Variants in NECTIN2 observed in about 807,000 individuals in gnomAD.
NECTIN2 encodes the protein nectin cell adhesion molecule 2, also known as nectin-2.
NECTIN2 carries 23 observed loss-of-function variants against 56.9 expected under a neutral mutation model. The ratio of observed to expected loss-of-function variants is 0.40; its 90% CI spans 0.29 to 0.57. The LOEUF (loss-of-function observed/expected upper bound fraction) is 0.57. Ranked by LOEUF, NECTIN2 falls within the 20% of genes least tolerant of loss-of-function variation. NECTIN2 has a pLI of 0.38. For missense variants in NECTIN2, 587 were observed against 718.3 expected, an observed-to-expected ratio of 0.82 and a Z score of 2.09; for synonymous variants, 302 against 313.8, an observed-to-expected ratio of 0.96 and a Z score of 0.40.
At chr19:44,860,187 G>A (rs1969015718) in intron 1 of NECTIN2, among the ~76,000 whole-genome samples, 1 of 152,152 alleles carries the variant, frequency 6.6e-6, no homozygotes, top group South Asian at 2.1e-4. Flanking sequence ...CTGGGGGAAT[G>A]GGAAGTGACT....
chr19:44,846,536 C>T lies in NECTIN2; in HGVS notation c.11C>T (p.Ala4Val). ...CCTCCCGGGCCCTCCATGGCCCGGG[C>T]CGCTGCCCTCCTGCCGTCGAGATCG... MAR[A>V]AALLPSRSPP... Residue 4 changes from alanine (A) to valine (V), a missense_variant, in exon 1 of 9, where the codon GCC becomes GTC. Transcript: ENST00000252483. 6.6e-7 allele frequency: 1 copy of T among 1,520,078 alleles called. No homozygotes were observed. The highest frequency in any genetic ancestry group is 8.8e-7 in the Non-Finnish European group (1 of 1,140,628). The allele number at this position is 1,520,078 out of a possible 1,614,324, so 94.2% of individuals were successfully genotyped here.
At chr19:44,864,314 A>AG (rs1267221833) in intron 1 of NECTIN2, among the ~76,000 whole-genome samples, 2 of 111,814 alleles carry the variant, frequency 1.8e-5, no homozygotes, top group Non-Finnish European at 2.2e-5. Flanking sequence ...GCCCTGTCTG[A>AG]GAAAAAAAAT....
chr19:44,869,081 T>A (rs1424327534), intron 2 of NECTIN2, among the ~76,000 whole-genome samples: 1 of 151,972 alleles, frequency 6.6e-6, no homozygotes, highest in Admixed American at 6.6e-5. Flanking sequence ...CAGTAACACA[T>A]GAAACCACAG....
In NECTIN2 at chr19:44,846,580, T is replaced by TGGCCGCTGCTGC. The variant is rs1178286129; in HGVS notation, c.56_67dup (p.Leu22_Leu23insArgProLeuLeu). On this transcript the variant is annotated inframe_insertion, in exon 1 of 9. Coordinates refer to ENST00000252483, the MANE Select transcript of NECTIN2 (RefSeq NM_001042724.2). ...GAGATCGCCGCCGACGCCGCTGCTG[T>TGGCCGCTGCTGC]GGCCGCTGCTGCTGCTGCTGCTCCT... 6.6e-7 allele frequency: 1 copy of TGGCCGCTGCTGC among 1,525,184 alleles called. No homozygotes were observed. The highest frequency in any genetic ancestry group is 8.7e-7 in the Non-Finnish European group (1 of 1,142,864). 94.5% of individuals were successfully genotyped at this position (1,525,184 alleles called of 1,614,324 possible). A position where few individuals can be genotyped will look rare whatever the true frequency, so the allele number is the denominator to read the frequency against.
chr19:44,858,946 T>C (rs544164374), intron 1 of NECTIN2, among the ~76,000 whole-genome samples: 13 of 152,224 alleles, frequency 8.5e-5, no homozygotes, highest in African/African-American at 3.1e-4. Flanking sequence ...CCTGGCCTTA[T>C]TTTATTTTTA....
At chr19:44,876,634 T>A (rs1969241403) in intron 5 of NECTIN2, among the ~76,000 whole-genome samples, 1 of 152,004 alleles carries the variant, frequency 6.6e-6, no homozygotes, top group African/African-American at 2.4e-5. Flanking sequence ...CGAACCCACA[T>A]CCAGGCACAC....
In NECTIN2 at chr19:44,886,145, T is replaced by C; in HGVS notation, c.1273T>C (p.Phe425Leu). 1 of 1,613,010 alleles carries C rather than the reference T, an allele frequency of 6.2e-7. No individual in the cohort carries two copies. Among genetic ancestry groups the C allele is most frequent in the Non-Finnish European group, 8.5e-7 (1 of 1,179,292 alleles). ...LEAQEMPSQL[F>L]TLGASEHSPL... ...TCTCCCACTACAGCCCTCCCAGCTC[T>C]TCACTCTGGGGGCCTCGGAGCACAG... The change falls in exon 8 of 9, where the codon TTC (phenylalanine) becomes CTC (leucine). Residue 425 changes from phenylalanine (F) to leucine (L), a missense_variant. By Grantham distance (22) the Phe-to-Leu change is conservative (BLOSUM62 0). Coordinates refer to ENST00000252483, the MANE Select transcript of NECTIN2 (RefSeq NM_001042724.2).
chr19:44,852,295 A>G (rs2927469), intron 1 of NECTIN2, among the ~76,000 whole-genome samples: 137,437 of 152,028 alleles, frequency 0.9, 62,222 homozygotes, highest in African/African-American at 0.94. Flanking sequence ...GATTACAGGC[A>G]GGTGCCACCA....
intron 2 of NECTIN2, among the ~76,000 whole-genome samples, chr19:44,868,822 G>C (rs1393654764): frequency 6.6e-6 from 1 of 151,882 alleles, no homozygotes; most frequent in Non-Finnish European, 1.5e-5. Flanking sequence ...TGAGGCAGGA[G>C]AATGGCTTGA....
chr19:44,885,479 T>A (rs1033994141), intron 6 of NECTIN2, among the ~76,000 whole-genome samples: 5 of 151,502 alleles, frequency 3.3e-5, no homozygotes, highest in Non-Finnish European at 7.4e-5. Context: ...GCCCAGCTAA[T>A]TTTTGTATTT....
At chr19:44,884,774 T>C (rs1225540926) in intron 6 of NECTIN2, among the ~76,000 whole-genome samples, 1 of 152,174 alleles carries the variant, frequency 6.6e-6, no homozygotes, top group African/African-American at 2.4e-5. Context: ...AGAGGGGACA[T>C]CTGAGCTGAC....
Position 44,888,484 on chromosome 19 carries a change from C to A in NECTIN2, c.*105C>A. 1 of 1,230,828 alleles carries A rather than the reference C, an allele frequency of 8.1e-7. No homozygotes were observed. The highest frequency in any genetic ancestry group is 1.1e-6 in the Non-Finnish European group (1 of 884,182). 76.2% of individuals were successfully genotyped at this position (1,230,828 alleles called of 1,614,324 possible). On this transcript the variant is annotated 3_prime_UTR_variant, in exon 9 of 9. Transcript: ENST00000252483. Reference sequence around the variant, plus strand: ...CTGGCCAGGCCACTGTCAGTTAACACATATGCATTCCATTTGTGATGTCTA... The same window carrying A: ...CTGGCCAGGCCACTGTCAGTTAACAAATATGCATTCCATTTGTGATGTCTA...
chr19:44,876,704 C>T (rs1450582118), intron 5 of NECTIN2, among the ~76,000 whole-genome samples: 7 of 152,222 alleles, frequency 4.6e-5, no homozygotes, highest in South Asian at 2.1e-4. Flanking sequence ...AGGATACGAA[C>T]GCCGCACCAC....
In NECTIN2 at chr19:44,866,043, G is replaced by A. The variant is rs906100847; in HGVS notation, c.478+383G>A. ...AAAAATTAGCTGGGTGTGGTGGCCC[G>A]TGCCTATAATCCCAGATACTCAGGA... On this transcript the variant is annotated intron_variant, in intron 2 of 8. Coordinates refer to ENST00000252483, the MANE Select transcript of NECTIN2 (RefSeq NM_001042724.2). Among the ~76,000 whole-genome samples the A allele has an allele frequency of 6.6e-5, 10 of 152,058 alleles. No homozygotes were observed. The East Asian group carries it at 1.5e-3, about 24-fold the overall frequency.
rs368430738 is a variant in NECTIN2 at position 44,875,905 on chromosome 19, C to T, written c.1042+1427C>T. Among the ~76,000 whole-genome samples the T allele has an allele frequency of 3.3e-5, 5 of 152,162 alleles. No homozygotes were observed. The East Asian group carries it at 7.7e-4, about 23-fold the overall frequency. On this transcript the variant is annotated intron_variant, in intron 5 of 8. Transcript: ENST00000252483. This position sits in a 1 kb window ranked among gnomAD's most constrained non-coding sequence, Gnocchi z 4.2. ...AGAGACAGCTGTCCCGCTCTGGGCT[C>T]GCCTGGCGCGTGAGGATGCACATAA...
In NECTIN2 at chr19:44,846,357, C is replaced by T. The variant is rs1189967636; in HGVS notation, c.-169C>T. The T allele has an allele frequency of 3.8e-6, 3 of 799,950 alleles. No individual in the cohort carries two copies. Among genetic ancestry groups the T allele is most frequent in the Middle Eastern group, 4.0e-4 (1 of 2,514 alleles). The allele number at this position is 799,950 out of a possible 1,614,324, so 49.6% of individuals were successfully genotyped here. A position where few individuals can be genotyped will look rare whatever the true frequency, so the allele number is the denominator to read the frequency against. ...GAGAGGCCGGGGGTGCCGAGCCGGGCGGGGAGAGCTGGGCCGGGAGAGCAG... is the reference window on the plus strand; with the variant it reads ...GAGAGGCCGGGGGTGCCGAGCCGGGTGGGGAGAGCTGGGCCGGGAGAGCAG... On this transcript the variant is annotated 5_prime_UTR_variant, in exon 1 of 9. Coordinates refer to ENST00000252483, the MANE Select transcript of NECTIN2 (RefSeq NM_001042724.2).
At position 44,875,712 on chromosome 19, in the gene NECTIN2, C is replaced by T. The variant is rs2085838005; in HGVS notation, c.1042+1234C>T. Among the ~76,000 whole-genome samples, 1 of 152,160 alleles carries T rather than the reference C, an allele frequency of 6.6e-6. No homozygotes were observed. Among genetic ancestry groups the T allele is most frequent in the South Asian group, 2.1e-4 (1 of 4,830 alleles). ...GGGCTGTCCCTGTCATGCAGACAGA[C>T]TAGCCACGGAGGGACAGAAGCAGAC... On this transcript the variant is annotated intron_variant, in intron 5 of 8. Coordinates refer to ENST00000252483, the MANE Select transcript of NECTIN2 (RefSeq NM_001042724.2). The surrounding 1 kb of genome is among the most constrained non-coding windows in gnomAD (Gnocchi z 4.2).
intron 1 of NECTIN2, among the ~76,000 whole-genome samples, chr19:44,862,488 T>C (rs1286987037): frequency 6.9e-6 from 1 of 144,130 alleles, no homozygotes. Context: ...AGAAAGAAAA[T>C]GTGGTATATG....
chr19:44,884,505 G>A (rs907508228), intron 6 of NECTIN2, among the ~76,000 whole-genome samples: 6 of 152,186 alleles, frequency 3.9e-5, no homozygotes, highest in African/African-American at 2.4e-5. Context: ...TGCACAGGAA[G>A]GTCTGTTACA....
Sources: gnomAD v4.1 joint callset for allele counts (sites outside exome capture counted in the v4.1 genomes callset) on GRCh38, gnomAD v4.1.1 for gene constraint, Gnocchi (gnomAD v3.1) non-coding constraint, MANE v1.5 for transcripts, NCBI Gene and HGNC (gene_info 2026-07-23, HGNC 2026-07-21) for gene names.